NTRK2: variants seen among roughly 807,000 people sequenced by gnomAD.
NTRK2 encodes the protein BDNF/NT-3 growth factors receptor.
NTRK2 carries 13 observed loss-of-function variants against 94.5 expected under a neutral mutation model. The ratio of observed to expected loss-of-function variants is 0.14; its 90% CI spans 0.09 to 0.22. The LOEUF (loss-of-function observed/expected upper bound fraction) is 0.22. Ranked by LOEUF, NTRK2 falls within the 10% of genes least tolerant of loss-of-function variation. The probability of loss-of-function intolerance (pLI) is 1.00; values close to 1 mark genes in which losing one functional copy is unlikely to be tolerated. For synonymous variants in NTRK2, 372 were observed against 407.4 expected, an observed-to-expected ratio of 0.91 and a Z score of 1.05; for missense variants, 639 against 1,071.2, an observed-to-expected ratio of 0.60 and a Z score of 5.63.
At chr9:84,749,337 G>A (rs762572251) in intron 11 of NTRK2, among the ~76,000 whole-genome samples, 3 of 152,148 alleles carry the variant, frequency 2.0e-5, no homozygotes, top group Non-Finnish European at 4.4e-5. Flanking sequence ...CTCCACACTG[G>A]CCAAGAGCTT....
chr9:84,751,638 C>T (rs899899363), intron 11 of NTRK2, among the ~76,000 whole-genome samples: 2 of 152,184 alleles, frequency 1.3e-5, no homozygotes, highest in Admixed American at 1.3e-4. Context: ...TTCATATTCT[C>T]TCTCTCCCTT....
intron 14 of NTRK2, among the ~76,000 whole-genome samples, chr9:84,909,415 A>G (rs567433433): frequency 2.6e-5 from 4 of 151,838 alleles, no homozygotes; most frequent in Admixed American, 1.3e-4. Flanking sequence ...TAAGTTTTCA[A>G]TCCTCTGGGA....
At chr9:84,841,588 T>C (rs1419571740) in intron 12 of NTRK2, among the ~76,000 whole-genome samples, 2 of 152,190 alleles carry the variant, frequency 1.3e-5, no homozygotes, top group East Asian at 1.9e-4. Context: ...AATGTTTTTC[T>C]CCTCTCCTTC....
intron 12 of NTRK2, among the ~76,000 whole-genome samples, chr9:84,809,234 T>G (rs2071466723): frequency 6.6e-6 from 1 of 152,106 alleles, no homozygotes; most frequent in Non-Finnish European, 1.5e-5. Context: ...TGTCATTTAT[T>G]GAGCAAATTA....
At chr9:84,978,065 C>T (rs1282455716) in intron 17 of NTRK2, among the ~76,000 whole-genome samples, 4 of 152,196 alleles carry the variant, frequency 2.6e-5, no homozygotes, top group Non-Finnish European at 5.9e-5. Context: ...TCTCTATTCC[C>T]TGATACATAC....
intron 14 of NTRK2, among the ~76,000 whole-genome samples, chr9:84,923,561 T>G (rs530472344): frequency 6.6e-6 from 1 of 152,144 alleles, no homozygotes; most frequent in Non-Finnish European, 1.5e-5. Context: ...TCTTCCACCA[T>G]GGGAACATTC....
chr9:84,858,057 A>G (rs1228153828), intron 12 of NTRK2, among the ~76,000 whole-genome samples: 1 of 151,990 alleles, frequency 6.6e-6, no homozygotes, highest in African/African-American at 2.4e-5. Flanking sequence ...TGAAACCTTC[A>G]TTGTTTTCTC....
At chr9:84,686,985 T>C (rs998234959) in intron 2 of NTRK2, among the ~76,000 whole-genome samples, 1 of 152,240 alleles carries the variant, frequency 6.6e-6, no homozygotes, top group South Asian at 2.1e-4. Context: ...AATCAGTATA[T>C]TCATAATACG....
chr9:84,870,729 T>C (rs1274764440), intron 14 of NTRK2, among the ~76,000 whole-genome samples: 1 of 152,040 alleles, frequency 6.6e-6, no homozygotes, highest in Non-Finnish European at 1.5e-5. Context: ...TTTGAGAAGA[T>C]CTCAGAGAGA....
intron 12 of NTRK2, among the ~76,000 whole-genome samples, chr9:84,786,209 G>C (rs1039865630): frequency 6.6e-6 from 1 of 152,136 alleles, no homozygotes; most frequent in African/African-American, 2.4e-5. Flanking sequence ...GTGTTCCTTA[G>C]AATAACCATC....
chr9:84,778,212 G>A (rs1379215806), intron 12 of NTRK2, among the ~76,000 whole-genome samples: 2 of 151,842 alleles, frequency 1.3e-5, no homozygotes, highest in Non-Finnish European at 2.9e-5. Flanking sequence ...GCAGAGAGCC[G>A]AGATCATACC....
chr9:85,024,223 A>G lies in NTRK2; in HGVS notation c.*2786A>G, dbSNP rs535626416. 6.4e-5 allele frequency: 15 copies of G among 232,698 alleles called. No individual in the cohort carries two copies. The highest frequency in any genetic ancestry group is 1.3e-3 in the Middle Eastern group (1 of 780). The allele number at this position is 232,698 out of a possible 1,614,324, so 14.4% of individuals were successfully genotyped here. On this transcript the variant is annotated 3_prime_UTR_variant, in exon 19 of 19. Coordinates refer to ENST00000277120, the MANE Select transcript of NTRK2 (RefSeq NM_006180.6). ...CTTTTAAAGTAGCTGAACGAGCCACAGAATATCTGAAATTATTCATTGTTG... is the reference window on the plus strand; with the variant it reads ...CTTTTAAAGTAGCTGAACGAGCCACGGAATATCTGAAATTATTCATTGTTG...
chr9:84,795,360 G>A (rs962261206), intron 12 of NTRK2, among the ~76,000 whole-genome samples: 18 of 152,260 alleles, frequency 1.2e-4, no homozygotes, highest in African/African-American at 3.6e-4. Flanking sequence ...AACACGCCCA[G>A]GGACAGTCTT....
intron 17 of NTRK2, among the ~76,000 whole-genome samples, chr9:85,002,365 C>T (rs1193579774): frequency 6.6e-6 from 1 of 152,170 alleles, no homozygotes; most frequent in African/African-American, 2.4e-5. Context: ...AGGTTTGCAT[C>T]TGGTGTGAGC....
intron 12 of NTRK2, among the ~76,000 whole-genome samples, chr9:84,784,844 C>A (rs2067967504): frequency 1.3e-5 from 2 of 151,896 alleles, no homozygotes; most frequent in Non-Finnish European, 2.9e-5. Context: ...AGAAAACCAT[C>A]CATCTGAGTT....
intron 12 of NTRK2, among the ~76,000 whole-genome samples, chr9:84,851,831 T>G (rs530128748): frequency 6.6e-6 from 1 of 152,344 alleles, no homozygotes; most frequent in South Asian, 2.1e-4. Flanking sequence ...TGTGCGGTGC[T>G]TTGCATGAGC....
At chr9:84,692,822 A>C (rs1463124216) in intron 2 of NTRK2, among the ~76,000 whole-genome samples, 7 of 133,942 alleles carry the variant, frequency 5.2e-5, no homozygotes, top group Non-Finnish European at 1.2e-4. Flanking sequence ...GATGAGGTTC[A>C]TTTTAGAGAT....
intron 17 of NTRK2, among the ~76,000 whole-genome samples, chr9:85,003,220 A>G (rs1398880188): frequency 2.0e-5 from 3 of 152,192 alleles, no homozygotes; most frequent in African/African-American, 7.2e-5. Context: ...GGAGGCCAGC[A>G]TGGAGGAAGC....
intron 12 of NTRK2, among the ~76,000 whole-genome samples, chr9:84,753,987 C>T (rs2064859091): frequency 6.6e-6 from 1 of 152,152 alleles, no homozygotes; most frequent in Non-Finnish European, 1.5e-5. Context: ...CTACTCCTTA[C>T]AATGTGGCAA....
Sources: gnomAD v4.1 joint callset for allele counts (sites outside exome capture counted in the v4.1 genomes callset) on GRCh38, gnomAD v4.1.1 for gene constraint, MANE v1.5 for transcripts, NCBI Gene and HGNC (gene_info 2026-07-23, HGNC 2026-07-21) for gene names.